Variants in FNDC1 observed in about 807,000 individuals in gnomAD.
The protein encoded by FNDC1 is fibronectin type III domain-containing protein 1.
Under a neutral mutation model 168.0 loss-of-function variants are expected in FNDC1, and 96 were observed. The ratio of observed to expected loss-of-function variants is 0.57; its 90% CI spans 0.48 to 0.68. FNDC1 has a LOEUF of 0.68. Among genes scored for constraint, FNDC1 ranks in the 30% least tolerant of loss-of-function variants. The probability of loss-of-function intolerance (pLI) is 0.00; values close to 1 mark genes in which losing one functional copy is unlikely to be tolerated. For missense variants in FNDC1, 2,587 were observed against 2,482.1 expected, an observed-to-expected ratio of 1.04 and a Z score of -0.90; for synonymous variants, 1,099 against 1,025.9, an observed-to-expected ratio of 1.07 and a Z score of -1.36.
rs754192837 is a variant in FNDC1, at chr6:159,255,267, C to T, written c.5066-1256C>T. 7.2e-4 allele frequency among the ~76,000 whole-genome samples: 110 copies of T among 152,196 alleles called. 1 individual carries two copies. Among genetic ancestry groups the T allele is most frequent in the Admixed American group, 9.2e-4 (14 of 15,280 alleles). On this transcript the variant is annotated intron_variant, in intron 17 of 22. Transcript: ENST00000297267. ...GGTTTCCAGCCACACTGCCTTCTCC[C>T]GGGTCCTCCCTCTTCAGTGTCTTGC...
At chr6:159,209,856 C>T (rs1782562390) in intron 4 of FNDC1, among the ~76,000 whole-genome samples, 2 of 152,100 alleles carry the variant, frequency 1.3e-5, no homozygotes, top group Admixed American at 1.3e-4. Flanking sequence ...GAAAATGCAG[C>T]AAGAGTTTAC....
In FNDC1 at chr6:159,232,532, C is replaced by T. The variant is rs754545902; in HGVS notation, c.2020C>T (p.Arg674Cys). Residue 674 changes from arginine to cysteine, a missense_variant, in exon 11 of 23, where the codon CGC (arginine) becomes TGC (cysteine). Physicochemically the swap from Arg to Cys is radical, Grantham distance 180. Coordinates refer to ENST00000297267, the MANE Select transcript of FNDC1 (RefSeq NM_032532.3). The surrounding 1 kb of genome is among the most constrained non-coding windows in gnomAD (Gnocchi z 4.9). ...GCCCCGGCCAGCCCTGTCCCCCAGC[C>T]GCCAGTCCCCGTCCAGCGTTCTCCG... Reference protein sequence around the residue: ...AQPRPALSPSRQSPSSVLRDR... With the variant: ...AQPRPALSPSCQSPSSVLRDR... 1.2e-5 allele frequency: 20 copies of T among 1,612,304 alleles called. No homozygotes were observed. Among genetic ancestry groups the T allele is most frequent in the Non-Finnish European group, 1.7e-5 (20 of 1,179,376 alleles).
chr6:159,261,167 A>C, intron 18 of FNDC1, 23 bp from the exon 19 acceptor site: 1 of 1,573,152 alleles, frequency 6.4e-7, no homozygotes. Context: ...TCTCTTTCAA[A>C]ATATATCTTC....
At position 159,233,632 on chromosome 6, in the gene FNDC1, GC is replaced by G; in HGVS notation, c.3124del (p.Arg1042AlafsTer199). The G allele has an allele frequency of 1.3e-6, 2 of 1,558,422 alleles. No homozygotes were observed. ...GGCTCTCACTGACCCAGGCCGGGCG[GC>G]CCCGCCCCACGTCGCAGGGCCGCTC... ...PRLSLTQAGR[P>X]RPTSQGRSHS... is the part of the protein sequence containing the mutation. On this transcript the variant is annotated frameshift_variant, in exon 11 of 23. Transcript: ENST00000297267. LOFTEE classifies it high-confidence loss of function. This position sits in a 1 kb window ranked among gnomAD's most constrained non-coding sequence, Gnocchi z 4.6.
intron 1 of FNDC1, among the ~76,000 whole-genome samples, chr6:159,176,406 A>G (rs981401466): frequency 1.3e-5 from 2 of 152,252 alleles, no homozygotes. Flanking sequence ...GACAGGTGAT[A>G]CGTGCTAGGA....
At chr6:159,208,693 C>T (rs1299921560) in intron 4 of FNDC1, among the ~76,000 whole-genome samples, 2 of 152,174 alleles carry the variant, frequency 1.3e-5, no homozygotes, top group African/African-American at 4.8e-5. Context: ...AAGCCACTGC[C>T]ATACCTGTGA....
chr6:159,267,835 A>T lies in FNDC1; in HGVS notation c.5478A>T (p.Gly1826=), dbSNP rs1168888437. The T allele has an allele frequency of 6.2e-7, 1 of 1,613,784 alleles. No homozygotes were observed. The highest frequency in any genetic ancestry group is 2.2e-5 in the East Asian group (1 of 44,864). Residue 1826 remains glycine, a synonymous_variant, in exon 22 of 23, where the codon GGA becomes GGT. Transcript: ENST00000297267. ...DTFYSIGDSW[G]RGEDHCQFVD... is the part of the protein sequence containing the mutation. ...TCTACAGCATTGGAGACAGCTGGGGAAGAGGTGAAGACCATTGCCAATTTG... is the reference window on the plus strand; with the variant it reads ...TCTACAGCATTGGAGACAGCTGGGGTAGAGGTGAAGACCATTGCCAATTTG...
chr6:159,235,196 C>T (rs1165297961), intron 11 of FNDC1, among the ~76,000 whole-genome samples: 1 of 152,184 alleles, frequency 6.6e-6, no homozygotes, highest in Non-Finnish European at 1.5e-5. Context: ...CCGCTATGAA[C>T]TGGAATTTAT....
At chr6:159,170,945 T>C (rs893479509) in intron 1 of FNDC1, among the ~76,000 whole-genome samples, 6 of 152,180 alleles carry the variant, frequency 3.9e-5, no homozygotes, top group Non-Finnish European at 7.3e-5. Flanking sequence ...GCTTTTGTTT[T>C]TCTAAGTGAA....
chr6:159,257,097 C>T (rs774613056), intron 18 of FNDC1, among the ~76,000 whole-genome samples: 14 of 152,314 alleles, frequency 9.2e-5, no homozygotes, highest in Admixed American at 5.9e-4. Context: ...AGCATGTCTT[C>T]GTAGACTAGG....
At chr6:159,186,107 G>A (rs1318141765) in intron 1 of FNDC1, among the ~76,000 whole-genome samples, 1 of 152,146 alleles carries the variant, frequency 6.6e-6, no homozygotes, top group Non-Finnish European at 1.5e-5. Context: ...TTTGATTTTA[G>A]TTTTGCTGCT....
At chr6:159,198,637 C>T (rs1293753298) in intron 2 of FNDC1, among the ~76,000 whole-genome samples, 1 of 152,226 alleles carries the variant, frequency 6.6e-6, no homozygotes, top group Non-Finnish European at 1.5e-5. Context: ...ATCATATCTC[C>T]TTGCTCAAAC....
intron 7 of FNDC1, among the ~76,000 whole-genome samples, chr6:159,225,000 T>C (rs1388380927): frequency 6.6e-6 from 1 of 152,158 alleles, no homozygotes; most frequent in Non-Finnish European, 1.5e-5. Flanking sequence ...TTGTTTCACA[T>C]TTTCACTCCT....
Position 159,207,919 on chromosome 6 carries a change from G to A in FNDC1, c.461-7026G>A, listed in dbSNP as rs769088698. Among the ~76,000 whole-genome samples, 6 of 152,152 alleles carry A rather than the reference G, an allele frequency of 3.9e-5. No homozygotes were observed. In the East Asian group the frequency reaches 5.8e-4, roughly 15 times the overall value. ...AGAATATTTAACACTCCTTCTCTTC[G>A]CTTAGAGGCTATGAGGCCATCTCTG... On this transcript the variant is annotated intron_variant, in intron 4 of 22. Coordinates refer to ENST00000297267, the MANE Select transcript of FNDC1 (RefSeq NM_032532.3).
chr6:159,214,650 A>G (rs1583876688), intron 4 of FNDC1, among the ~76,000 whole-genome samples: 1 of 152,252 alleles, frequency 6.6e-6, no homozygotes, highest in Non-Finnish European at 1.5e-5. Flanking sequence ...AAAAGGAAAT[A>G]GATAAAAAGG....
At chr6:159,253,496 A>G (rs1324432463) in intron 17 of FNDC1, among the ~76,000 whole-genome samples, 3 of 152,140 alleles carry the variant, frequency 2.0e-5, no homozygotes, top group Admixed American at 2.0e-4. Flanking sequence ...TTCACCTGCC[A>G]TTCTTTCTTT....
chr6:159,219,176 G>A (rs185797400), intron 5 of FNDC1, among the ~76,000 whole-genome samples: 3 of 152,214 alleles, frequency 2.0e-5, no homozygotes, highest in Admixed American at 2.0e-4. Flanking sequence ...AAGTAGTTAG[G>A]ACTACAGGCA....
At position 159,271,344 on chromosome 6, in the gene FNDC1, C is replaced by T. The variant is rs1234886856; in HGVS notation, c.5587C>T (p.Arg1863Cys). The change falls in exon 23 of 23, where the codon CGT (arginine) becomes TGT (cysteine). Residue 1863 changes from arginine (R) to cysteine (C), a missense_variant. Physicochemically the swap from Arg to Cys is radical, Grantham distance 180 (BLOSUM62 -3). Transcript: ENST00000297267. ...PTIQGYYRQY[R>C]QEPVRFGNIG... is the part of the protein sequence containing the mutation. Reference sequence around the variant, plus strand: ...CCTTCCAGGCTACTATCGCCAGTATCGTCAGGAGCCTGTCAGGTTTGGGAA... The same window carrying T: ...CCTTCCAGGCTACTATCGCCAGTATTGTCAGGAGCCTGTCAGGTTTGGGAA... 3.7e-6 allele frequency: 6 copies of T among 1,610,084 alleles called. No homozygotes were observed. The highest frequency in any genetic ancestry group is 4.5e-5 in the East Asian group (2 of 44,748).
Position 159,268,704 on chromosome 6 carries a change from A to G in FNDC1, c.5569+778A>G, listed in dbSNP as rs554991155. ...CATCTATCTATCCATCCATCCATCT[A>G]TCTATCCATTTATGCATCCATCTAT... On this transcript the variant is annotated intron_variant, in intron 22 of 22. Transcript: ENST00000297267. 2.2e-5 allele frequency among the ~76,000 whole-genome samples: 3 copies of G among 137,130 alleles called. No individual in the cohort carries two copies. In the South Asian group the frequency reaches 7.5e-4, roughly 34 times the overall value. 90.0% of individuals were successfully genotyped at this position (137,130 alleles called of 152,430 possible). A position where few individuals can be genotyped will look rare whatever the true frequency, so the allele number is the denominator to read the frequency against.
Sources: gnomAD v4.1 joint callset for allele counts (sites outside exome capture counted in the v4.1 genomes callset) on GRCh38, gnomAD v4.1.1 for gene constraint, Gnocchi (gnomAD v3.1) non-coding constraint, MANE v1.5 for transcripts, NCBI Gene and HGNC (gene_info 2026-07-23, HGNC 2026-07-21) for gene names.